Variants in DIP2C observed in about 807,000 individuals in gnomAD.
DIP2C encodes disco-interacting protein 2 homolog C.
Under a neutral mutation model 192.4 loss-of-function variants are expected in DIP2C, and 33 were observed. The ratio of observed to expected loss-of-function variants is 0.17; its 90% confidence interval spans 0.13 to 0.23. The LOEUF is 0.23. Among genes scored for constraint, DIP2C ranks in the 10% least tolerant of loss-of-function variants. The pLI is 1.00. For missense variants in DIP2C, 1,537 were observed against 2,110.1 expected, an observed-to-expected ratio of 0.73 and a Z score of 5.32; for synonymous variants, 979 against 864.1, an observed-to-expected ratio of 1.13 and a Z score of -2.33.
chr10:449,644 G>T (rs11252493), intron 3 of DIP2C, among the ~76,000 whole-genome samples: 1 of 133,764 alleles, frequency 7.5e-6, no homozygotes, highest in Non-Finnish European at 1.6e-5. Flanking sequence ...GGTCGGGGGA[G>T]GGGGGAGGGA....
At chr10:663,056 T>A (rs927181734) in intron 1 of DIP2C, 2 of 629,698 alleles carry the variant, frequency 3.2e-6, no homozygotes, top group Non-Finnish European at 5.9e-6. Context: ...CTGGGGCAGA[T>A]GGTGACCGTG....
intron 1 of DIP2C, chr10:650,439 T>C: frequency 1.4e-6 from 1 of 710,790 alleles, no homozygotes; most frequent in Non-Finnish European, 2.6e-6. Context: ...CATCTTCATC[T>C]ATGGTAGGTG....
intron 1 of DIP2C, among the ~76,000 whole-genome samples, chr10:559,834 A>AG (rs1849106130): frequency 6.6e-6 from 1 of 152,238 alleles, no homozygotes; most frequent in South Asian, 2.1e-4. Flanking sequence ...CTCAGGGTTC[A>AG]GCACAGCACG....
At chr10:505,970 AAAG>A (rs1169226879) in intron 1 of DIP2C, among the ~76,000 whole-genome samples, 2 of 152,336 alleles carry the variant, frequency 1.3e-5, no homozygotes, top group Non-Finnish European at 2.9e-5. Context: ...CTGGAGAAGT[AAAG>A]AAGCTGAGAA....
At chr10:408,898 T>C (rs768641845) in intron 9 of DIP2C, 28 bp downstream of exon 9, 13 of 1,610,550 alleles carry the variant, frequency 8.1e-6, no homozygotes, top group Middle Eastern at 1.6e-4. Context: ...TTGTGTTTTG[T>C]AGATCCAGCA....
chr10:308,842 C>T (rs906260554), intron 32 of DIP2C, among the ~76,000 whole-genome samples: 19 of 152,212 alleles, frequency 1.2e-4, no homozygotes, highest in Non-Finnish European at 4.4e-5. Flanking sequence ...ACCGTCAGGG[C>T]GGGCGTGGCT....
At chr10:423,968 A>G (rs1589763141) in intron 4 of DIP2C, among the ~76,000 whole-genome samples, 1 of 152,332 alleles carries the variant, frequency 6.6e-6, no homozygotes, top group Non-Finnish European at 1.5e-5. Flanking sequence ...ATCTTGGATT[A>G]TAACAAAATA....
chr10:368,267 G>T (rs1960526217), intron 18 of DIP2C, among the ~76,000 whole-genome samples: 2 of 152,340 alleles, frequency 1.3e-5, no homozygotes, highest in South Asian at 4.1e-4. Context: ...CTCTGACAGG[G>T]GCCTGGGAAG....
intron 1 of DIP2C, among the ~76,000 whole-genome samples, chr10:659,536 T>G (rs1856626409): frequency 6.6e-6 from 1 of 152,208 alleles, no homozygotes; most frequent in Admixed American, 6.5e-5. Context: ...ACAGCACACA[T>G]ACACACATTC....
intron 1 of DIP2C, among the ~76,000 whole-genome samples, chr10:590,308 A>G (rs1441493191): frequency 6.6e-6 from 1 of 152,240 alleles, no homozygotes; most frequent in Admixed American, 6.5e-5. Context: ...CTTCGAGTCA[A>G]GTGGGACAAA....
chr10:298,241 C>T (rs777129006), intron 32 of DIP2C, among the ~76,000 whole-genome samples: 12 of 152,140 alleles, frequency 7.9e-5, no homozygotes, highest in South Asian at 4.1e-4. Context: ...CTGACCTTGA[C>T]GGTTTTGAGG....
At chr10:316,975 G>A (rs1278734277) in intron 31 of DIP2C, among the ~76,000 whole-genome samples, 1 of 152,166 alleles carries the variant, frequency 6.6e-6, no homozygotes, top group Non-Finnish European at 1.5e-5. Context: ...ATGGATCTTA[G>A]AAACGATGAG....
intron 1 of DIP2C, among the ~76,000 whole-genome samples, chr10:570,783 G>A (rs932515614): frequency 1.3e-5 from 2 of 152,234 alleles, no homozygotes; most frequent in African/African-American, 4.8e-5. Context: ...TGAGGCAACC[G>A]ATTAACAGCA....
intron 2 of DIP2C, among the ~76,000 whole-genome samples, chr10:479,094 A>G (rs1052156488): frequency 6.6e-6 from 1 of 152,204 alleles, no homozygotes; most frequent in African/African-American, 2.4e-5. Context: ...AGCAGTTTCT[A>G]AATCCAGTCC....
At chr10:649,305 G>A (rs1180154956) in intron 1 of DIP2C, among the ~76,000 whole-genome samples, 2 of 148,770 alleles carry the variant, frequency 1.3e-5, no homozygotes, top group African/African-American at 5.0e-5. Flanking sequence ...AGAACAGAGG[G>A]AAACTGAGTC....
chr10:356,590 A>C, intron 23 of DIP2C, 84 bp from the exon 24 acceptor site: 2 of 1,154,952 alleles, frequency 1.7e-6, no homozygotes, highest in South Asian at 2.8e-5. Context: ...TGGATACTCA[A>C]ACCCATAGAG....
At chr10:559,820 C>A (rs1849104590) in intron 1 of DIP2C, among the ~76,000 whole-genome samples, 1 of 152,216 alleles carries the variant, frequency 6.6e-6, no homozygotes, top group African/African-American at 2.4e-5. Flanking sequence ...TGCTGGGGCC[C>A]CTGCTCAGGG....
In DIP2C at chr10:369,806, G is replaced by A. The variant is rs752122408; in HGVS notation, c.1992-173C>T. The A allele has an allele frequency of 3.8e-6, 5 of 1,327,266 alleles. No homozygotes were observed. The African/African-American group carries it at 7.3e-5, about 19-fold the overall frequency. 82.2% of individuals were successfully genotyped at this position (1,327,266 alleles called of 1,614,324 possible). Reference sequence around the variant, plus strand: ...ATTAGGGGATGCTCGTTCTGTTTATGAACAGCTGGCAGCGAGTCTACTGCT... The same window carrying A: ...ATTAGGGGATGCTCGTTCTGTTTATAAACAGCTGGCAGCGAGTCTACTGCT... On this transcript the variant is annotated intron_variant, in intron 17 of 36. Coordinates refer to ENST00000280886, the MANE Select transcript of DIP2C (RefSeq NM_014974.3).
At chr10:383,075 CA>C (rs1232073333) in intron 16 of DIP2C, among the ~76,000 whole-genome samples, 2 of 152,146 alleles carry the variant, frequency 1.3e-5, no homozygotes, top group Admixed American at 1.3e-4. Flanking sequence ...AAATCTAAAC[CA>C]AATGAAGAAA....
Sources: allele counts gnomAD v4.1 joint callset (sites outside exome capture counted in the v4.1 genomes callset), GRCh38; gene constraint gnomAD v4.1.1; transcripts MANE v1.5; gene names NCBI Gene and HGNC (gene_info 2026-07-23, HGNC 2026-07-21).